The following HSDL2 variants were observed in gnomAD, a reference collection of about 807,000 sequenced individuals.
HSDL2 encodes the protein hydroxysteroid dehydrogenase like 2.
Under a neutral mutation model 46.3 loss-of-function variants are expected in HSDL2, and 27 were observed. That is an observed-to-expected ratio of 0.58 (90% confidence interval 0.43 to 0.80). The LOEUF (loss-of-function observed/expected upper bound fraction) is 0.80. Among genes scored for constraint, HSDL2 ranks in the 30% least tolerant of loss-of-function variants. The pLI, the probability that HSDL2 is intolerant of heterozygous loss-of-function variation, is 0.00. For missense variants in HSDL2, 451 were observed against 502.7 expected, an observed-to-expected ratio of 0.90 and a Z score of 0.98; for synonymous variants, 153 against 163.6, an observed-to-expected ratio of 0.94 and a Z score of 0.50.
intron 4 of HSDL2, 71 bp from the exon 5 acceptor site, chr9:112,416,770 C>T: frequency 4.0e-6 from 3 of 745,628 alleles, no homozygotes; most frequent in Non-Finnish European, 7.0e-6. Flanking sequence ...AAGGCCCCCT[C>T]TCTTAAAAAA....
chr9:112,380,312 A>G, intron 1 of HSDL2, 132 bp downstream of exon 1: 1 of 814,576 alleles, frequency 1.2e-6, no homozygotes, highest in Non-Finnish European at 1.9e-6. Flanking sequence ...GCACGCTCTG[A>G]GCTCTGGTCC....
chr9:112,416,252 GA>G (rs199555335), intron 4 of HSDL2, among the ~76,000 whole-genome samples: 13 of 147,954 alleles, frequency 8.8e-5, no homozygotes, highest in South Asian at 4.3e-4. Flanking sequence ...TCTAAAAAAA[GA>G]AAAAAAAAAT....
intron 4 of HSDL2, among the ~76,000 whole-genome samples, chr9:112,411,564 A>G (rs1293539207): frequency 6.6e-6 from 1 of 152,204 alleles, no homozygotes; most frequent in Non-Finnish European, 1.5e-5. Context: ...TTACTGGACT[A>G]TTCCGGAGGC....
intron 6 of HSDL2, among the ~76,000 whole-genome samples, chr9:112,429,052 C>T (rs1832321497): frequency 6.6e-6 from 1 of 152,186 alleles, no homozygotes; most frequent in South Asian, 2.1e-4. Context: ...GCGCAGGCCA[C>T]CATGCCCAGC....
chr9:112,417,607 T>TA (rs1234631588), intron 5 of HSDL2, among the ~76,000 whole-genome samples: 1 of 152,116 alleles, frequency 6.6e-6, no homozygotes, highest in Non-Finnish European at 1.5e-5. Flanking sequence ...ATCAAACACT[T>TA]AGTTTTTATT....
intron 8 of HSDL2, among the ~76,000 whole-genome samples, chr9:112,448,305 CTATTT>C (rs3032093): frequency 0.81 from 123,171 of 151,496 alleles, 50,572 homozygotes; most frequent in African/African-American, 0.91. Context: ...TTCATTAAAA[CTATTT>C]TATTTTAATT....
rs1378964443 is a variant in HSDL2 at position 112,438,562 on chromosome 9, A to G, written c.730A>G (p.Ile244Val). 7 of 1,611,836 alleles carry G rather than the reference A, an allele frequency of 4.3e-6. No homozygotes were observed. The highest frequency in any genetic ancestry group is 1.3e-5 in the African/African-American group (1 of 74,888). The stretch of plus-strand genomic sequence containing the variant: ...AAAAAGTTTTACTGGCAACTTTGTC[A>G]TTGATGAAAATATCTTAAAAGAAGA... ...KPKSFTGNFV[I>V]DENILKEEGI... is the part of the protein sequence containing the mutation. Residue 244 changes from isoleucine to valine, a missense_variant, in exon 7 of 11, where the codon ATT becomes GTT. By Grantham distance (29) the Ile-to-Val change is conservative (BLOSUM62 3). Coordinates refer to ENST00000398805, the MANE Select transcript of HSDL2 (RefSeq NM_032303.5).
chr9:112,443,248 G>A (rs1832679827), intron 8 of HSDL2, among the ~76,000 whole-genome samples: 1 of 152,186 alleles, frequency 6.6e-6, no homozygotes, highest in Non-Finnish European at 1.5e-5. Context: ...ACCACTTATT[G>A]ATCATGTATG....
At chr9:112,412,623 C>A (rs1831900508) in intron 4 of HSDL2, among the ~76,000 whole-genome samples, 1 of 152,118 alleles carries the variant, frequency 6.6e-6, no homozygotes. Context: ...ATAGACTTGA[C>A]CTTTTAAACT....
In HSDL2 at chr9:112,436,412, C is replaced by T. The variant is rs183908953; in HGVS notation, c.599-2019C>T. 2.6e-5 allele frequency among the ~76,000 whole-genome samples: 4 copies of T among 151,986 alleles called. No homozygotes were observed. The East Asian group carries it at 7.7e-4, about 29-fold the overall frequency. ...GGTAGATGCCTTATGTCTGTTTTGT[C>T]AACATCTGTGTCCTTAATATCTAGA... On this transcript the variant is annotated intron_variant, in intron 6 of 10. Coordinates refer to ENST00000398805, the MANE Select transcript of HSDL2 (RefSeq NM_032303.5).
At chr9:112,404,678 C>A (rs949763337) in intron 2 of HSDL2, among the ~76,000 whole-genome samples, 1 of 152,166 alleles carries the variant, frequency 6.6e-6, no homozygotes, top group Admixed American at 6.5e-5. Context: ...ATTCTCTGTA[C>A]AATTTGCAAG....
At chr9:112,383,238 A>G (rs930244151) in intron 1 of HSDL2, among the ~76,000 whole-genome samples, 6 of 151,788 alleles carry the variant, frequency 4.0e-5, no homozygotes, top group African/African-American at 1.5e-4. Flanking sequence ...CATGCCGGCT[A>G]ATTTTTGTAA....
intron 1 of HSDL2, 39 bp from the exon 2 acceptor site, chr9:112,403,956 A>G: frequency 6.3e-7 from 1 of 1,586,318 alleles, no homozygotes; most frequent in Non-Finnish European, 8.6e-7. Context: ...TAAATAAAAC[A>G]TTGGGTCTTC....
Position 112,470,635 on chromosome 9 carries a change from T to C in HSDL2, c.*91T>C, listed in dbSNP as rs935771889. On this transcript the variant is annotated 3_prime_UTR_variant, in exon 11 of 11. Transcript: ENST00000398805. ...CTAATGTTTGTTTTCTTTCCTGTTA[T>C]ATTATAAGGATATGCACGTTTGTTC... The C allele has an allele frequency of 1.4e-6, 1 of 700,312 alleles. No individual in the cohort carries two copies. 43.4% of individuals were successfully genotyped at this position (700,312 alleles called of 1,614,324 possible). A position where few individuals can be genotyped will look rare whatever the true frequency, so the allele number is the denominator to read the frequency against.
intron 6 of HSDL2, among the ~76,000 whole-genome samples, chr9:112,424,201 A>G (rs1425402146): frequency 1.3e-5 from 2 of 150,826 alleles, no homozygotes; most frequent in African/African-American, 4.8e-5. Flanking sequence ...GGCGCCTGTA[A>G]TCCCAGCTAC....
At chr9:112,448,711 AT>A (rs11328991) in intron 8 of HSDL2, among the ~76,000 whole-genome samples, 144,375 of 151,114 alleles carry the variant, frequency 0.96, 69,028 homozygotes, top group African/African-American at 0.98. Flanking sequence ...CACCCAGCTA[AT>A]TTTTTTTTTT....
intron 1 of HSDL2, among the ~76,000 whole-genome samples, chr9:112,403,772 A>G (rs1831660093): frequency 6.6e-6 from 1 of 152,218 alleles, no homozygotes; most frequent in African/African-American, 2.4e-5. Context: ...TGTTTGCTAA[A>G]TCACAGCAAG....
At chr9:112,408,080 C>G (rs962466112) in intron 3 of HSDL2, among the ~76,000 whole-genome samples, 1 of 152,142 alleles carries the variant, frequency 6.6e-6, no homozygotes, top group Non-Finnish European at 1.5e-5. Context: ...CTTTGATGAT[C>G]TGCCTGGGAT....
At chr9:112,464,977 C>T (rs1587973421) in intron 10 of HSDL2, among the ~76,000 whole-genome samples, 1 of 152,158 alleles carries the variant, frequency 6.6e-6, no homozygotes, top group Non-Finnish European at 1.5e-5. Context: ...TTCTGACTTT[C>T]GTATGAACTG....
Sources: allele counts gnomAD v4.1 joint callset (sites outside exome capture counted in the v4.1 genomes callset), GRCh38; gene constraint gnomAD v4.1.1; transcripts MANE v1.5; gene names NCBI Gene and HGNC (gene_info 2026-07-23, HGNC 2026-07-21).